ADGRL3: variants seen among roughly 807,000 people sequenced by gnomAD.
The protein encoded by ADGRL3 is adhesion G protein-coupled receptor L3.
Under a neutral mutation model 153.5 loss-of-function variants are expected in ADGRL3, and 62 were observed. The observed-to-expected ratio is 0.40, with a 90% confidence interval of 0.33 to 0.50. ADGRL3 has a LOEUF of 0.50. Among genes scored for constraint, ADGRL3 ranks in the 20% least tolerant of loss-of-function variants. ADGRL3 has a pLI of 0.47. For synonymous variants in ADGRL3, 710 were observed against 672.5 expected (o/e 1.06, Z -0.86); for missense variants, 1,641 against 1,859.4 (o/e 0.88, Z 2.16).
chr4:61,520,359 A>G (rs2098522510), intron 4 of ADGRL3, among the ~76,000 whole-genome samples: 1 of 152,182 alleles, frequency 6.6e-6, no homozygotes. Context: ...GAGAAGATCT[A>G]CAAATAATGT....
intron 9 of ADGRL3, among the ~76,000 whole-genome samples, chr4:61,879,787 G>A (rs1206708083): frequency 2.0e-5 from 3 of 152,010 alleles, no homozygotes; most frequent in African/African-American, 4.8e-5. Flanking sequence ...TGGCACAATC[G>A]TAGCTCACTG....
At chr4:61,697,640 A>T (rs1054466696) in intron 6 of ADGRL3, among the ~76,000 whole-genome samples, 1 of 152,156 alleles carries the variant, frequency 6.6e-6, no homozygotes, top group African/African-American at 2.4e-5. Context: ...AATAGGCCTC[A>T]ATAAAGCTTT....
At chr4:61,416,134 C>G (rs185061627) in intron 2 of ADGRL3, among the ~76,000 whole-genome samples, 68 of 151,856 alleles carry the variant, frequency 4.5e-4, no homozygotes, top group African/African-American at 1.5e-3. Flanking sequence ...GTGCTGATAT[C>G]TAGATTAGGT....
At chr4:61,477,920 CA>C (rs1211233977) in intron 2 of ADGRL3, among the ~76,000 whole-genome samples, 1 of 151,544 alleles carries the variant, frequency 6.6e-6, no homozygotes, top group African/African-American at 2.4e-5. Context: ...TTCTCATCTT[CA>C]AAAAAAGGCT....
intron 5 of ADGRL3, among the ~76,000 whole-genome samples, chr4:61,643,086 G>A (rs1433930570): frequency 6.6e-6 from 1 of 152,098 alleles, no homozygotes; most frequent in Admixed American, 6.5e-5. Context: ...TTGGCTCTCT[G>A]TTTGTCTGTT....
intron 21 of ADGRL3, among the ~76,000 whole-genome samples, chr4:62,011,494 T>C (rs2099186414): frequency 6.6e-6 from 1 of 152,040 alleles, no homozygotes; most frequent in Admixed American, 6.6e-5. Flanking sequence ...CGGTTATCTC[T>C]GGGGTAAGTG....
intron 1 of ADGRL3, among the ~76,000 whole-genome samples, chr4:61,275,169 G>C (rs1206368468): frequency 6.6e-6 from 1 of 152,094 alleles, no homozygotes; most frequent in Non-Finnish European, 1.5e-5. Context: ...ACTGGAACAA[G>C]GTAATTTTTC....
rs1299158048 is a variant in ADGRL3, at chr4:61,368,144, G to A, written c.-239-14980G>A. ...TGTAGATTCTGGATATTACCCCTTTGTCAGATGAGTAGGTTGCAAAAATTT... is the reference window on the plus strand; with the variant it reads ...TGTAGATTCTGGATATTACCCCTTTATCAGATGAGTAGGTTGCAAAAATTT... On this transcript the variant is annotated intron_variant, in intron 1 of 26. Coordinates refer to ENST00000683033, the MANE Select transcript of ADGRL3 (RefSeq NM_001387552.1). Among the ~76,000 whole-genome samples the A allele has an allele frequency of 2.2e-4, 33 of 151,712 alleles. No individual in the cohort carries two copies. In the South Asian group the frequency reaches 6.7e-3, roughly 31 times the overall value.
At chr4:61,330,944 A>G (rs973816592) in intron 1 of ADGRL3, among the ~76,000 whole-genome samples, 4 of 152,098 alleles carry the variant, frequency 2.6e-5, no homozygotes, top group Non-Finnish European at 5.9e-5. Flanking sequence ...TCACCTCTCA[A>G]TGTGAGTCAA....
At chr4:61,465,635 T>G (rs2097869877) in intron 2 of ADGRL3, among the ~76,000 whole-genome samples, 1 of 151,010 alleles carries the variant, frequency 6.6e-6, no homozygotes, top group Non-Finnish European at 1.5e-5. Context: ...TATTTCTGAC[T>G]GCTAAATGAT....
chr4:62,021,560 C>T (rs182350258), intron 21 of ADGRL3, among the ~76,000 whole-genome samples: 1 of 152,084 alleles, frequency 6.6e-6, no homozygotes, highest in South Asian at 2.1e-4. Context: ...TAATACTTCC[C>T]AGACATTGCA....
intron 21 of ADGRL3, among the ~76,000 whole-genome samples, chr4:62,001,502 C>A (rs879673622): frequency 2.0e-5 from 3 of 152,116 alleles, no homozygotes; most frequent in Admixed American, 6.5e-5. Context: ...ATTCCTTAAT[C>A]TTTTCCAGAA....
intron 5 of ADGRL3, among the ~76,000 whole-genome samples, chr4:61,596,015 A>T (rs183102818): frequency 1.2e-4 from 18 of 152,244 alleles, no homozygotes; most frequent in African/African-American, 3.8e-4. Flanking sequence ...TCTGTGCCTC[A>T]TGACCACAGC....
intron 8 of ADGRL3, among the ~76,000 whole-genome samples, chr4:61,798,950 T>G (rs1270817732): frequency 6.8e-6 from 1 of 146,068 alleles, no homozygotes; most frequent in Non-Finnish European, 1.5e-5. Flanking sequence ...CTAATGAGTT[T>G]AGGATATTTT....
intron 8 of ADGRL3, among the ~76,000 whole-genome samples, chr4:61,796,167 A>G (rs1223872684): frequency 1.3e-5 from 2 of 152,134 alleles, no homozygotes; most frequent in Non-Finnish European, 2.9e-5. Context: ...TTTGCATCCC[A>G]ACACAATGGA....
At chr4:61,564,175 CT>C (rs967777350) in intron 4 of ADGRL3, among the ~76,000 whole-genome samples, 51 of 148,304 alleles carry the variant, frequency 3.4e-4, no homozygotes, top group East Asian at 1.2e-3. Flanking sequence ...GCTGTTTTGA[CT>C]TTTTTTTTTA....
chr4:61,681,328 A>G (rs764965928), intron 6 of ADGRL3, among the ~76,000 whole-genome samples: 3 of 152,204 alleles, frequency 2.0e-5, no homozygotes, highest in African/African-American at 7.2e-5. Context: ...TTTCACGCAC[A>G]TTACACTCAA....
At chr4:61,643,519 A>G (rs1271280593) in intron 5 of ADGRL3, among the ~76,000 whole-genome samples, 3 of 151,952 alleles carry the variant, frequency 2.0e-5, no homozygotes, top group African/African-American at 7.3e-5. Context: ...ATTTTGTCAA[A>G]GGACTTTTTT....
At chr4:61,692,624 A>G (rs905916777) in intron 6 of ADGRL3, among the ~76,000 whole-genome samples, 1 of 151,868 alleles carries the variant, frequency 6.6e-6, no homozygotes, top group African/African-American at 2.4e-5. Context: ...TTGTATTTGT[A>G]GTAAAGATGG....
Sources: allele counts gnomAD v4.1 joint callset (sites outside exome capture counted in the v4.1 genomes callset), GRCh38; gene constraint gnomAD v4.1.1; transcripts MANE v1.5; gene names NCBI Gene and HGNC (gene_info 2026-07-23, HGNC 2026-07-21).